EIF3H: variants seen among roughly 807,000 people sequenced by gnomAD.
EIF3H encodes eukaryotic translation initiation factor 3 subunit H, also known as eIF-3-gamma.
A neutral mutation model predicts 44.2 loss-of-function variants in EIF3H; 26 were observed. That is an observed-to-expected ratio of 0.59 (90% CI 0.43 to 0.82). The LOEUF (loss-of-function observed/expected upper bound fraction) is 0.82, where lower values mean the gene tolerates loss of function less well. Among genes scored for constraint, EIF3H ranks in the 40% least tolerant of loss-of-function variants. The probability of loss-of-function intolerance (pLI) is 0.00; values close to 1 mark genes in which losing one functional copy is unlikely to be tolerated. For synonymous variants in EIF3H, 166 were observed against 151.9 expected (o/e 1.09, Z -0.68); for missense variants, 359 against 432.8 (o/e 0.83, Z 1.51).
chr8:116,736,663 C>CA (rs554777998), intron 1 of EIF3H, among the ~76,000 whole-genome samples: 17 of 142,700 alleles, frequency 1.2e-4, no homozygotes, highest in Middle Eastern at 3.6e-3. Flanking sequence ...CTCCGTCTCA[C>CA]AAAAAAAAAA....
At chr8:116,663,578 G>T (rs1233318142) in intron 2 of EIF3H, among the ~76,000 whole-genome samples, 2 of 152,092 alleles carry the variant, frequency 1.3e-5, no homozygotes, top group Non-Finnish European at 2.9e-5. Flanking sequence ...GGCATTCTTA[G>T]TACAAAAAAG....
At chr8:116,749,410 A>T (rs1047261067) in intron 1 of EIF3H, among the ~76,000 whole-genome samples, 2 of 152,230 alleles carry the variant, frequency 1.3e-5, no homozygotes, top group African/African-American at 4.8e-5. Flanking sequence ...TGTGATACGT[A>T]TGTCTGCATT....
chr8:116,707,602 A>C (rs1422966522), intron 2 of EIF3H, among the ~76,000 whole-genome samples: 2 of 152,138 alleles, frequency 1.3e-5, no homozygotes, highest in Admixed American at 1.3e-4. Flanking sequence ...CTAAAACATG[A>C]GTGTACTCTT....
At chr8:116,669,294 G>C (rs371807383) in intron 2 of EIF3H, among the ~76,000 whole-genome samples, 1 of 152,304 alleles carries the variant, frequency 6.6e-6, no homozygotes, top group South Asian at 2.1e-4. Flanking sequence ...TTATTACTGT[G>C]CATATAACAA....
intron 1 of EIF3H, among the ~76,000 whole-genome samples, chr8:116,743,905 T>G (rs550756790): frequency 1.0e-3 from 159 of 151,552 alleles, no homozygotes; most frequent in Non-Finnish European, 1.8e-3. Context: ...TCCAAAGGGT[T>G]GAGTTTTAGG....
upstream of EIF3H, among the ~76,000 whole-genome samples, chr8:116,759,732 CGCACACACGCACAT>C (rs1418079091): frequency 1.3e-5 from 2 of 151,790 alleles, no homozygotes; most frequent in Non-Finnish European, 2.9e-5. Context: ...CGTGTGCGCG[CGCACACACGCACAT>C]GCTTGCCGTG....
intron 2 of EIF3H, among the ~76,000 whole-genome samples, chr8:116,721,835 A>G (rs1814751848): frequency 6.6e-6 from 1 of 152,230 alleles, no homozygotes; most frequent in Non-Finnish European, 1.5e-5. Context: ...GATTTATCCA[A>G]TGCCTGTACC....
intron 5 of EIF3H, among the ~76,000 whole-genome samples, chr8:116,650,231 TG>T (rs1477642725): frequency 6.6e-6 from 1 of 152,098 alleles, no homozygotes; most frequent in Non-Finnish European, 1.5e-5. Flanking sequence ...AAGTCTACTG[TG>T]GGGTGTTGGC....
At position 116,678,936 on chromosome 8, in the gene EIF3H, A is replaced by G. The variant is rs1294844017; in HGVS notation, c.290-19956T>C. On this transcript the variant is annotated intron_variant, in intron 2 of 7. Coordinates refer to ENST00000521861, the MANE Select transcript of EIF3H (RefSeq NM_003756.3). ...GGGGCTCCTCTGCCCGGCCGCCCCTACTGGGAAGTGAGGAGCCCCTCTGCC... is the reference window on the plus strand; with the variant it reads ...GGGGCTCCTCTGCCCGGCCGCCCCTGCTGGGAAGTGAGGAGCCCCTCTGCC... Among the ~76,000 whole-genome samples, 3 of 77,706 alleles carry G rather than the reference A, an allele frequency of 3.9e-5. No individual in the cohort carries two copies. The East Asian group carries it at 9.1e-4, about 23-fold the overall frequency. 51.0% of individuals were successfully genotyped at this position (77,706 alleles called of 152,430 possible). A position where few individuals can be genotyped will look rare whatever the true frequency, so the allele number is the denominator to read the frequency against.
At chr8:116,665,749 G>C (rs980292615) in intron 2 of EIF3H, among the ~76,000 whole-genome samples, 3 of 152,218 alleles carry the variant, frequency 2.0e-5, no homozygotes, top group Non-Finnish European at 4.4e-5. Flanking sequence ...TGAAGGCTCT[G>C]TGCCATTATT....
chr8:116,706,750 G>A (rs953749423), intron 2 of EIF3H, among the ~76,000 whole-genome samples: 10 of 152,086 alleles, frequency 6.6e-5, no homozygotes, highest in Non-Finnish European at 1.5e-4. Flanking sequence ...TTGACATGTT[G>A]GTCAGGCTGA....
chr8:116,669,707 T>C (rs999646144), intron 2 of EIF3H, among the ~76,000 whole-genome samples: 1 of 152,132 alleles, frequency 6.6e-6, no homozygotes, highest in African/African-American at 2.4e-5. Flanking sequence ...GCCTGAGGAA[T>C]ATAATTTTTG....
intron 1 of EIF3H, among the ~76,000 whole-genome samples, chr8:116,731,168 A>T (rs1814944361): frequency 6.6e-6 from 1 of 152,192 alleles, no homozygotes; most frequent in African/African-American, 2.4e-5. Flanking sequence ...ATACATATAC[A>T]CTCAGGAGCC....
At chr8:116,705,175 T>C (rs1586466296) in intron 2 of EIF3H, among the ~76,000 whole-genome samples, 3 of 152,208 alleles carry the variant, frequency 2.0e-5, no homozygotes, top group Non-Finnish European at 2.9e-5. Flanking sequence ...ATGACCAAGA[T>C]ACCTATATAC....
intron 2 of EIF3H, among the ~76,000 whole-genome samples, chr8:116,682,215 G>A (rs1290636408): frequency 6.6e-6 from 1 of 152,208 alleles, no homozygotes; most frequent in Non-Finnish European, 1.5e-5. Flanking sequence ...CTAGAAAGAT[G>A]AGAAGATTGC....
chr8:116,739,971 C>T (rs1396412896), intron 1 of EIF3H, among the ~76,000 whole-genome samples: 1 of 147,448 alleles, frequency 6.8e-6, no homozygotes, highest in Non-Finnish European at 1.5e-5. Flanking sequence ...AAAAATTACT[C>T]ACTAGAAAGA....
In EIF3H at chr8:116,712,689, C is replaced by T. The variant is rs553492925; in HGVS notation, c.289+13327G>A. On this transcript the variant is annotated intron_variant, in intron 2 of 7. Coordinates refer to ENST00000521861, the MANE Select transcript of EIF3H (RefSeq NM_003756.3). ...GAATAATCTCAAACAGATATAAGAACAATCTCAAAACAGATAAAGTCCCAA... is the reference window on the plus strand; with the variant it reads ...GAATAATCTCAAACAGATATAAGAATAATCTCAAAACAGATAAAGTCCCAA... Among the ~76,000 whole-genome samples the T allele has an allele frequency of 3.3e-5, 5 of 152,182 alleles. No homozygotes were observed. The South Asian group carries it at 1.0e-3, about 32-fold the overall frequency.
At chr8:116,665,424 G>C (rs867143544) in intron 2 of EIF3H, among the ~76,000 whole-genome samples, 1 of 151,932 alleles carries the variant, frequency 6.6e-6, no homozygotes, top group African/African-American at 2.4e-5. Flanking sequence ...TACTGGCTTA[G>C]ATCAAAGATG....
intron 2 of EIF3H, among the ~76,000 whole-genome samples, chr8:116,699,825 T>C (rs1282584070): frequency 6.6e-6 from 1 of 152,176 alleles, no homozygotes; most frequent in Non-Finnish European, 1.5e-5. Context: ...TGTTTGTTTG[T>C]TTGAGATGGA....
Sources: gnomAD v4.1 joint callset for allele counts (sites outside exome capture counted in the v4.1 genomes callset) on GRCh38, gnomAD v4.1.1 for gene constraint, MANE v1.5 for transcripts, NCBI Gene and HGNC (gene_info 2026-07-23, HGNC 2026-07-21) for gene names.